Variants in ADGRB1 observed in about 807,000 individuals in gnomAD.
ADGRB1 encodes the protein brain-specific angiogenesis inhibitor 1.
ADGRB1 carries 36 observed loss-of-function variants against 175.7 expected under a neutral mutation model. The observed-to-expected ratio is 0.20, with a 90% CI of 0.16 to 0.27. The LOEUF is 0.27. Ranked by LOEUF, ADGRB1 falls within the 10% of genes least tolerant of loss-of-function variation. The probability of loss-of-function intolerance (pLI) is 1.00; values close to 1 mark genes in which losing one functional copy is unlikely to be tolerated. For synonymous variants in ADGRB1, 1,054 were observed against 979.4 expected (o/e 1.08, Z -1.42); for missense variants, 1,731 against 2,255.3 (o/e 0.77, Z 4.71).
intron 24 of ADGRB1, among the ~76,000 whole-genome samples, chr8:142,528,105 C>T (rs756474828): frequency 2.0e-5 from 3 of 152,160 alleles, no homozygotes; most frequent in Non-Finnish European, 4.4e-5. Flanking sequence ...CCCAGTACAC[C>T]GGTCTATGTG....
chr8:142,513,076 A>G (rs889783736), intron 18 of ADGRB1, among the ~76,000 whole-genome samples: 2 of 152,162 alleles, frequency 1.3e-5, no homozygotes, highest in Non-Finnish European at 2.9e-5. Flanking sequence ...GCCCACGCAC[A>G]CTGGTGTTCA....
At chr8:142,527,358 T>C (rs1237615489) in intron 24 of ADGRB1, among the ~76,000 whole-genome samples, 1 of 152,202 alleles carries the variant, frequency 6.6e-6, no homozygotes, top group East Asian at 1.9e-4. Flanking sequence ...CTCCCCTCCG[T>C]GCCAGTCTTG....
Position 142,543,573 on chromosome 8 carries a change from G to A in ADGRB1, c.4450-28G>A. The A allele has an allele frequency of 6.4e-7, 1 of 1,571,522 alleles. No homozygotes were observed. On this transcript the variant is annotated intron_variant, in intron 29 of 30. Coordinates refer to ENST00000517894, the MANE Select transcript of ADGRB1 (RefSeq NM_001702.3). The surrounding 1 kb of genome is among the most constrained non-coding windows in gnomAD (Gnocchi z 4.4). ...TGGGCCATGCCCTCCTCCTGGCCCA[G>A]GACTCACTGCCCAGACCCCGCCTGC... is the stretch of plus-strand genomic sequence containing the variant.
At position 142,542,676 on chromosome 8, in the gene ADGRB1, C is replaced by T. The variant is rs1380102347; in HGVS notation, c.4413+29C>T. On this transcript the variant is annotated intron_variant, in intron 28 of 30. Coordinates refer to ENST00000517894, the MANE Select transcript of ADGRB1 (RefSeq NM_001702.3). The surrounding 1 kb of genome is among the most constrained non-coding windows in gnomAD (Gnocchi z 6.3). ...AGGGGGGCAGGGGTGGGCCACACCCCAGCCAGCGAGGGCAGGGCTGCAGCA... is the reference window on the plus strand; with the variant it reads ...AGGGGGGCAGGGGTGGGCCACACCCTAGCCAGCGAGGGCAGGGCTGCAGCA... The T allele has an allele frequency of 1.3e-6, 2 of 1,518,942 alleles. No individual in the cohort carries two copies. Among genetic ancestry groups the T allele is most frequent in the Middle Eastern group, 3.4e-4 (2 of 5,862 alleles). The allele number at this position is 1,518,942 out of a possible 1,614,324, so 94.1% of individuals were successfully genotyped here.
chr8:142,452,022 C>T (rs1043059033), intron 1 of ADGRB1, among the ~76,000 whole-genome samples: 1 of 152,138 alleles, frequency 6.6e-6, no homozygotes, highest in East Asian at 1.9e-4. Flanking sequence ...CAGTCGGGGC[C>T]TTGGAAGGGG....
chr8:142,524,717 C>T (rs537887071), intron 23 of ADGRB1, among the ~76,000 whole-genome samples: 155 of 152,234 alleles, frequency 1.0e-3, no homozygotes, highest in African/African-American at 3.4e-3. Flanking sequence ...CTGGTGACCG[C>T]GGCTGCTTGC....
At chr8:142,520,398 GATGTTGGTA>G (rs1563735865) in intron 19 of ADGRB1, among the ~76,000 whole-genome samples, 10 of 5,098 alleles carry the variant, frequency 2.0e-3, no homozygotes, top group Non-Finnish European at 2.9e-3. Flanking sequence ...TAGTGATTGT[GATGTTGGTA>G]ATGGTGATAG....
At chr8:142,519,621 A>G (rs987640035) in intron 19 of ADGRB1, among the ~76,000 whole-genome samples, 50 of 119,258 alleles carry the variant, frequency 4.2e-4, no homozygotes, top group East Asian at 1.1e-3. Flanking sequence ...GGTGGTGGTG[A>G]TGGTGGTGGT....
At chr8:142,469,635 A>T (rs576146899) in intron 2 of ADGRB1, among the ~76,000 whole-genome samples, 1 of 99,650 alleles carries the variant, frequency 1.0e-5, no homozygotes, top group African/African-American at 4.4e-5. Context: ...GCATGTGTGT[A>T]TGTGCACGTG....
chr8:142,528,214 C>G (rs1172823091), intron 24 of ADGRB1, among the ~76,000 whole-genome samples: 1 of 152,266 alleles, frequency 6.6e-6, no homozygotes, highest in African/African-American at 2.4e-5. Context: ...CTCGCAGACA[C>G]ACGGAAAGGG....
chr8:142,481,897 C>A (rs754383941), intron 11 of ADGRB1, among the ~76,000 whole-genome samples, 186 bp downstream of exon 11: 1 of 151,670 alleles, frequency 6.6e-6, no homozygotes. Context: ...CCTGGTCACA[C>A]ACTGAGCCCT....
rs977569856 is a variant in ADGRB1 at position 142,479,438 on chromosome 8, C to T, written c.1677C>T (p.Cys559=). ...GGCCCTTCTTCGGGGGAGCAGCCTG[C>T]CAGGGCCCCCAGGATGAGTACCGGC... ...CSGPFFGGAA[C]QGPQDEYRQC... is the part of the protein sequence containing the mutation. The change falls in exon 8 of 31, where the codon TGC becomes TGT. Residue 559 remains cysteine, a synonymous_variant. Coordinates refer to ENST00000517894, the MANE Select transcript of ADGRB1 (RefSeq NM_001702.3). 4.5e-6 allele frequency: 7 copies of T among 1,547,756 alleles called. No individual in the cohort carries two copies. Among genetic ancestry groups the T allele is most frequent in the Non-Finnish European group, 6.1e-6 (7 of 1,152,744 alleles).
intron 2 of ADGRB1, among the ~76,000 whole-genome samples, chr8:142,465,943 G>A (rs1329879682): frequency 6.6e-6 from 1 of 152,198 alleles, no homozygotes; most frequent in African/African-American, 2.4e-5. Flanking sequence ...CATGAGACAG[G>A]AGCGTGCGCA....
chr8:142,469,327 A>C (rs184061912), intron 2 of ADGRB1, among the ~76,000 whole-genome samples: 1 of 145,506 alleles, frequency 6.9e-6, no homozygotes, highest in East Asian at 2.1e-4. Context: ...ATGTGTGCAC[A>C]TGCATGTGTG....
chr8:142,484,644 C>G lies in ADGRB1; in HGVS notation c.2200-12C>G. The G allele has an allele frequency of 6.2e-7, 1 of 1,603,826 alleles. No individual in the cohort carries two copies. Among genetic ancestry groups the G allele is most frequent in the African/African-American group, 1.3e-5 (1 of 74,892 alleles). On this transcript the variant is annotated splice_polypyrimidine_tract_variant and intron_variant, in intron 12 of 30. Transcript: ENST00000517894. Reference sequence around the variant, plus strand: ...GCCTCCTCCCTCGGCTGCTCACCCCCCTGCCCTCCAGGCGGGCCCCAACGC... The same window carrying G: ...GCCTCCTCCCTCGGCTGCTCACCCCGCTGCCCTCCAGGCGGGCCCCAACGC...
chr8:142,526,441 G>A, intron 23 of ADGRB1, 101 bp from the exon 24 acceptor site: 1 of 1,073,688 alleles, frequency 9.3e-7, no homozygotes, highest in South Asian at 1.4e-5. Flanking sequence ...GGGTGGGGTA[G>A]GGGGTCGTGG....
intron 7 of ADGRB1, 85 bp from the exon 8 acceptor site, chr8:142,479,238 C>T (rs1329713979): frequency 1.5e-6 from 2 of 1,368,406 alleles, no homozygotes; most frequent in African/African-American, 1.5e-5. Flanking sequence ...TGTGTGGGTC[C>T]CTGTCTTTGT....
intron 3 of ADGRB1, among the ~76,000 whole-genome samples, 174 bp downstream of exon 3, chr8:142,475,809 C>A (rs1179580951): frequency 3.1e-5 from 2 of 65,084 alleles, no homozygotes; most frequent in African/African-American, 1.0e-4. Flanking sequence ...GGGGCGGGGC[C>A]GGGGCCGGGG....
chr8:142,475,024 C>T (rs1253473408), intron 2 of ADGRB1, among the ~76,000 whole-genome samples: 1 of 152,154 alleles, frequency 6.6e-6, no homozygotes, highest in Non-Finnish European at 1.5e-5. Flanking sequence ...TGGTGACCCT[C>T]CGCTGAGCCC....
Sources: allele counts gnomAD v4.1 joint callset (sites outside exome capture counted in the v4.1 genomes callset), GRCh38; gene constraint gnomAD v4.1.1; non-coding constraint Gnocchi (gnomAD v3.1); transcripts MANE v1.5; gene names NCBI Gene and HGNC (gene_info 2026-07-23, HGNC 2026-07-21).